The following ADARB1 variants were observed in gnomAD, a reference collection of about 807,000 sequenced individuals.
The protein encoded by ADARB1 is double-stranded RNA-specific editase 1.
ADARB1 carries 10 observed loss-of-function variants against 52.4 expected under a neutral mutation model. That is an observed-to-expected ratio of 0.19 (90% CI 0.12 to 0.32). The LOEUF (loss-of-function observed/expected upper bound fraction) is 0.32, where lower values mean the gene tolerates loss of function less well. ADARB1 is among the 10% of genes least tolerant of loss of function. The probability of loss-of-function intolerance (pLI) is 1.00; values close to 1 mark genes in which losing one functional copy is unlikely to be tolerated. For missense variants in ADARB1, 643 were observed against 922.3 expected, an observed-to-expected ratio of 0.70 and a Z score of 3.92; for synonymous variants, 349 against 371.1, an observed-to-expected ratio of 0.94 and a Z score of 0.68.
At position 45,225,103 on chromosome 21, in the gene ADARB1, C is replaced by T; in HGVS notation, c.*2906C>T. 3 of 992,958 alleles carry T rather than the reference C, an allele frequency of 3.0e-6. No individual in the cohort carries two copies. Among genetic ancestry groups the T allele is most frequent in the Non-Finnish European group, 3.6e-6 (3 of 835,566 alleles). The allele number at this position is 992,958 out of a possible 1,614,324, so 61.5% of individuals were successfully genotyped here. A position where few individuals can be genotyped will look rare whatever the true frequency, so the allele number is the denominator to read the frequency against. ...GTTTTGTTTTGTTTTGTTAACTAAA[C>T]CTGAAGTATTAATTCCACAAAGACA... On this transcript the variant is annotated 3_prime_UTR_variant, in exon 11 of 11. Coordinates refer to ENST00000348831, the MANE Select transcript of ADARB1 (RefSeq NM_001112.4).
Position 45,204,274 on chromosome 21 carries a change from TATTTCCCACAG to T in ADARB1, c.1566-275_1566-265del, listed in dbSNP as rs2092622124. Among the ~76,000 whole-genome samples, 1 of 152,254 alleles carries T rather than the reference TATTTCCCACAG, an allele frequency of 6.6e-6. No individual in the cohort carries two copies. The highest frequency in any genetic ancestry group is 6.5e-5 in the Admixed American group (1 of 15,288). On this transcript the variant is annotated intron_variant, in intron 8 of 10. Transcript: ENST00000348831. This position sits in a 1 kb window ranked among gnomAD's most constrained non-coding sequence, Gnocchi z 4.4. ...ATTAAATATGTAATTTCCTTTCTGA[TATTTCCCACAG>T]ATTTCTCACAAGAAACATATGTGGC...
intron 9 of ADARB1, among the ~76,000 whole-genome samples, chr21:45,206,948 G>GCCGAGCTGATGC (rs1277155190): frequency 6.6e-6 from 1 of 152,178 alleles, no homozygotes; most frequent in Non-Finnish European, 1.5e-5. Flanking sequence ...AGGGGGCTGT[G>GCCGAGCTGATGC]CCGAGCTGAT....
intron 1 of ADARB1, among the ~76,000 whole-genome samples, chr21:45,105,476 T>C (rs2087207438): frequency 6.6e-6 from 1 of 152,238 alleles, no homozygotes; most frequent in Admixed American, 6.5e-5. Context: ...GGCCTAAGTA[T>C]GATACAAGAG....
At chr21:45,196,979 G>T (rs1188483947) in intron 8 of ADARB1, among the ~76,000 whole-genome samples, 1 of 152,186 alleles carries the variant, frequency 6.6e-6, no homozygotes, top group Non-Finnish European at 1.5e-5. Context: ...ATCGCTTGAG[G>T]TCAGGAGTTC....
intron 1 of ADARB1, among the ~76,000 whole-genome samples, chr21:45,090,846 A>G (rs2086535240): frequency 6.6e-6 from 1 of 152,222 alleles, no homozygotes; most frequent in East Asian, 1.9e-4. Context: ...CCCCCCAAGA[A>G]CTGCCTTGGC....
In ADARB1 at chr21:45,200,849, C is replaced by T. The variant is rs923342779; in HGVS notation, c.1566-3706C>T. Reference sequence around the variant, plus strand: ...CTCCTGCCCTGTGTGGTCTGGCCGACGTCTGTCTGCAGCTCAGTCTCTCAG... The same window carrying T: ...CTCCTGCCCTGTGTGGTCTGGCCGATGTCTGTCTGCAGCTCAGTCTCTCAG... On this transcript the variant is annotated intron_variant, in intron 8 of 10. Transcript: ENST00000348831. The surrounding 1 kb of genome is among the most constrained non-coding windows in gnomAD (Gnocchi z 5.0). Among the ~76,000 whole-genome samples, 5 of 152,184 alleles carry T rather than the reference C, an allele frequency of 3.3e-5. No individual in the cohort carries two copies. The highest frequency in any genetic ancestry group is 1.9e-4 in the East Asian group (1 of 5,204).
chr21:45,113,473 ATATATATGTGTGTGTGTG>A (rs980697999), intron 1 of ADARB1, among the ~76,000 whole-genome samples: 5 of 144,812 alleles, frequency 3.5e-5, no homozygotes, highest in Middle Eastern at 3.4e-3. Context: ...GTGTGTATAT[ATATATATGTGTGTGTGTG>A]TATATATGTG....
chr21:45,156,671 C>A (rs535832896), intron 2 of ADARB1, among the ~76,000 whole-genome samples: 44 of 152,102 alleles, frequency 2.9e-4, no homozygotes, highest in Non-Finnish European at 5.7e-4. Flanking sequence ...ATCCACCCCC[C>A]CACGCACCCA....
intron 1 of ADARB1, among the ~76,000 whole-genome samples, chr21:45,121,446 G>GCATC (rs1329236116): frequency 6.6e-6 from 1 of 152,168 alleles, no homozygotes; most frequent in Non-Finnish European, 1.5e-5. Context: ...TGGGCCCTGG[G>GCATC]CATCCGCTCT....
At position 45,176,292 on chromosome 21, in the gene ADARB1, T is replaced by C. The variant is rs532917549; in HGVS notation, c.591T>C (p.Asp197=). The C allele has an allele frequency of 6.2e-7, 1 of 1,614,200 alleles. No homozygotes were observed. The highest frequency in any genetic ancestry group is 1.3e-5 in the African/African-American group (1 of 75,064). ...EPPFYVGSNG[D]DSFSSSGDLS... ...CCTTTTACGTGGGCTCCAATGGGGA[T>C]GACTCCTTCAGTTCCAGCGGGGACC... Residue 197 remains aspartate (D), a synonymous_variant, in exon 4 of 11, where the codon GAT becomes GAC. Transcript: ENST00000348831. This position sits in a 1 kb window ranked among gnomAD's most constrained non-coding sequence, Gnocchi z 5.8.
At chr21:45,091,986 C>T (rs960855662) in intron 1 of ADARB1, among the ~76,000 whole-genome samples, 3 of 152,166 alleles carry the variant, frequency 2.0e-5, no homozygotes, top group Non-Finnish European at 4.4e-5. Flanking sequence ...GAAAATAATT[C>T]TATTTTATTT....
At position 45,109,095 on chromosome 21, in the gene ADARB1, T is replaced by C. The variant is rs139762191; in HGVS notation, c.-219-19307T>C. ...GGACCAGACCAGGCTCTGGGGTTCA[T>C]GCGGGAATCACCAGTCTGCGCTGCT... is the stretch of plus-strand genomic sequence containing the variant. On this transcript the variant is annotated intron_variant, in intron 1 of 10. Transcript: ENST00000348831. Among the ~76,000 whole-genome samples, 636 of 152,336 alleles carry C rather than the reference T, an allele frequency of 4.2e-3. 4 individuals are homozygous for C. The highest frequency in any genetic ancestry group is 0.014 in the African/African-American group (602 of 41,578).
intron 9 of ADARB1, among the ~76,000 whole-genome samples, chr21:45,213,310 T>A (rs978733179): frequency 6.6e-6 from 1 of 152,246 alleles, no homozygotes; most frequent in Non-Finnish European, 1.5e-5. Flanking sequence ...TTTTTGGAAT[T>A]GTCCATAGTG....
chr21:45,155,774 TCCATCCAC>T (rs2090534791), intron 2 of ADARB1, among the ~76,000 whole-genome samples: 2 of 65,616 alleles, frequency 3.0e-5, no homozygotes, highest in South Asian at 7.8e-4. Flanking sequence ...CATTCATCCA[TCCATCCAC>T]CCACCCACCC....
At chr21:45,171,722 A>C in intron 3 of ADARB1, 38 bp downstream of exon 3, 1 of 1,567,872 alleles carries the variant, frequency 6.4e-7, no homozygotes, top group Non-Finnish European at 8.7e-7. Flanking sequence ...CAGATAGCTA[A>C]TTTTATGTTA....
rs577393382 is a variant in ADARB1, at chr21:45,200,593, G to C, written c.1566-3962G>C. Among the ~76,000 whole-genome samples the C allele has an allele frequency of 2.4e-4, 36 of 152,290 alleles. No homozygotes were observed. The highest frequency in any genetic ancestry group is 8.2e-4 in the African/African-American group (34 of 41,550). On this transcript the variant is annotated intron_variant, in intron 8 of 10. Transcript: ENST00000348831. This position sits in a 1 kb window ranked among gnomAD's most constrained non-coding sequence, Gnocchi z 5.0. The stretch of plus-strand genomic sequence containing the variant: ...GGGGGATGGCTTTATTGTAGGGAAA[G>C]GGGGAGGCTTTGGGTATGTTCTGAT...
chr21:45,213,331 AT>A, intron 9 of ADARB1, among the ~76,000 whole-genome samples: 1 of 152,084 alleles, frequency 6.6e-6, no homozygotes, highest in East Asian at 1.9e-4. Context: ...AGCAAATGTT[AT>A]TTTTTTAATG....
At position 45,220,758 on chromosome 21, in the gene ADARB1, C is replaced by T; in HGVS notation, c.1748-78C>T. ...GCACTTCTGTGGCCATGTCTGAGCA[C>T]AGTGTGCCGCCCGTGGCTGCTCCCT... On this transcript the variant is annotated intron_variant, in intron 9 of 10. Coordinates refer to ENST00000348831, the MANE Select transcript of ADARB1 (RefSeq NM_001112.4). The surrounding 1 kb of genome is among the most constrained non-coding windows in gnomAD (Gnocchi z 6.3). 6.6e-7 allele frequency: 1 copy of T among 1,505,374 alleles called. No homozygotes were observed. Among genetic ancestry groups the T allele is most frequent in the East Asian group, 2.3e-5 (1 of 43,970 alleles). The allele number at this position is 1,505,374 out of a possible 1,614,324, so 93.3% of individuals were successfully genotyped here.
rs2091675237 is a variant in ADARB1, at chr21:45,175,920, A to T, written c.219A>T (p.Thr73=). 6.2e-7 allele frequency: 1 copy of T among 1,609,792 alleles called. No individual in the cohort carries two copies. Among genetic ancestry groups the T allele is most frequent in the Non-Finnish European group, 8.5e-7 (1 of 1,177,944 alleles). Residue 73 remains threonine (T), a synonymous_variant, in exon 4 of 11, where the codon ACA becomes ACT. Transcript: ENST00000348831. The part of the protein sequence containing the change: ...SKYRLKKRRK[T]PGPVLPKNAL... ...ACCGCCTGAAGAAAAGGAGGAAAAC[A>T]CCAGGGCCCGTCCTCCCCAAGAACG...
Sources: allele counts gnomAD v4.1 joint callset (sites outside exome capture counted in the v4.1 genomes callset), GRCh38; gene constraint gnomAD v4.1.1; non-coding constraint Gnocchi (gnomAD v3.1); transcripts MANE v1.5; gene names NCBI Gene and HGNC (gene_info 2026-07-23, HGNC 2026-07-21).